MYO18B: variants seen among roughly 807,000 people sequenced by gnomAD.
MYO18B encodes the protein myosin XVIIIB.
A neutral mutation model predicts 273.0 loss-of-function variants in MYO18B; 204 were observed. The observed-to-expected ratio is 0.75, with a 90% CI of 0.67 to 0.84. The LOEUF (loss-of-function observed/expected upper bound fraction) is 0.84, where lower values mean the gene tolerates loss of function less well. Ranked by LOEUF, MYO18B falls within the 40% of genes least tolerant of loss-of-function variation. MYO18B has a pLI of 0.00. For synonymous variants in MYO18B, 1,330 were observed against 1,305.7 expected, an observed-to-expected ratio of 1.02 and a Z score of -0.40; for missense variants, 3,212 against 3,287.6, an observed-to-expected ratio of 0.98 and a Z score of 0.56.
At chr22:25,872,236 C>T (rs2091067744) in intron 22 of MYO18B, among the ~76,000 whole-genome samples, 1 of 152,020 alleles carries the variant, frequency 6.6e-6, no homozygotes, top group East Asian at 1.9e-4. Context: ...TGAGTGGTCT[C>T]CATTACGAAA....
At chr22:25,812,574 C>T (rs115558223) in intron 12 of MYO18B, among the ~76,000 whole-genome samples, 3,064 of 152,284 alleles carry the variant, frequency 0.02, 80 homozygotes, top group East Asian at 0.11. Flanking sequence ...TCAGGAGAAG[C>T]GGGAGAGCTG....
chr22:26,023,172 A>G (rs1370276895), intron 42 of MYO18B, among the ~76,000 whole-genome samples: 1 of 151,516 alleles, frequency 6.6e-6, no homozygotes, highest in Non-Finnish European at 1.5e-5. Flanking sequence ...ATCTCATTTC[A>G]ACTTCTTTCC....
At position 25,981,553 on chromosome 22, in the gene MYO18B, A is replaced by G. The variant is rs368442658; in HGVS notation, c.6157-10810A>G. On this transcript the variant is annotated intron_variant, in intron 39 of 43. Coordinates refer to ENST00000335473, the MANE Select transcript of MYO18B (RefSeq NM_032608.7). ...CCAGGAAGTCAAGACCAGCTTGGAC[A>G]ACACAGTAAGACCCCATCTCTACAA... Among the ~76,000 whole-genome samples the G allele has an allele frequency of 5.9e-5, 9 of 152,360 alleles. No individual in the cohort carries two copies. In the East Asian group the frequency reaches 7.7e-4, roughly 13 times the overall value.
intron 25 of MYO18B, among the ~76,000 whole-genome samples, chr22:25,880,986 C>T (rs762692097): frequency 2.0e-5 from 3 of 152,230 alleles, no homozygotes; most frequent in Non-Finnish European, 4.4e-5. Context: ...TTAAAGATTT[C>T]TACACCCGAG....
At chr22:25,991,106 A>G (rs993747502) in intron 39 of MYO18B, among the ~76,000 whole-genome samples, 1 of 152,176 alleles carries the variant, frequency 6.6e-6, no homozygotes, top group South Asian at 2.1e-4. Flanking sequence ...ATGTCTGCCT[A>G]AGAGCATCAA....
chr22:25,768,264 C>G lies in MYO18B; in HGVS notation c.348C>G (p.Asp116Glu). ...GKESEGSRSP[D>E]PEQMTSINGE... is the part of the protein sequence containing the mutation. Reference sequence around the variant, plus strand: ...AGAGCGAGGGGTCCCGCAGCCCCGACCCTGAGCAGATGACAAGCATCAATG... The same window carrying G: ...AGAGCGAGGGGTCCCGCAGCCCCGAGCCTGAGCAGATGACAAGCATCAATG... The change falls in exon 4 of 44, where the codon GAC becomes GAG. Residue 116 changes from aspartate to glutamate, a missense_variant. By Grantham distance (45) the Asp-to-Glu change is conservative (BLOSUM62 2). Transcript: ENST00000335473. 7 of 1,613,990 alleles carry G rather than the reference C, an allele frequency of 4.3e-6. No homozygotes were observed. In the South Asian group the frequency reaches 7.7e-5, roughly 18 times the overall value.
chr22:26,035,583 G>A (rs1005898985), downstream of MYO18B, among the ~76,000 whole-genome samples: 3 of 152,146 alleles, frequency 2.0e-5, no homozygotes, highest in Non-Finnish European at 4.4e-5. Flanking sequence ...ATTCCTGATC[G>A]GAGAACCAGA....
intron 12 of MYO18B, among the ~76,000 whole-genome samples, chr22:25,801,308 C>G (rs567864570): frequency 2.9e-4 from 44 of 152,270 alleles, no homozygotes; most frequent in Middle Eastern, 3.4e-3. Context: ...TGACAATCAC[C>G]ACTAATATTG....
At chr22:25,907,519 T>G (rs902254448) in intron 31 of MYO18B, among the ~76,000 whole-genome samples, 11 of 152,206 alleles carry the variant, frequency 7.2e-5, no homozygotes, top group African/African-American at 2.7e-4. Context: ...ATCATTTAAT[T>G]CTCATAGTAG....
chr22:25,983,825 G>T (rs1423471144), intron 39 of MYO18B, among the ~76,000 whole-genome samples: 1 of 152,216 alleles, frequency 6.6e-6, no homozygotes, highest in African/African-American at 2.4e-5. Context: ...TCTGGGCAGC[G>T]CTATTGAGGT....
chr22:25,882,258 G>A (rs2091359497), intron 25 of MYO18B, among the ~76,000 whole-genome samples: 1 of 151,326 alleles, frequency 6.6e-6, no homozygotes, highest in Admixed American at 6.6e-5. Context: ...TGGTCAAATA[G>A]AACCATTAAA....
chr22:25,979,127 C>G (rs2093123844), intron 39 of MYO18B, among the ~76,000 whole-genome samples: 2 of 152,178 alleles, frequency 1.3e-5, no homozygotes, highest in Non-Finnish European at 2.9e-5. Flanking sequence ...GAGACAAAAT[C>G]CAGTGGCCAC....
At chr22:25,760,334 C>G (rs2086262868) in intron 1 of MYO18B, among the ~76,000 whole-genome samples, 1 of 135,998 alleles carries the variant, frequency 7.4e-6, no homozygotes, top group African/African-American at 2.8e-5. Flanking sequence ...ATTGCTGGAA[C>G]TGGGGAGGTG....
At chr22:25,996,972 G>A (rs191929539) in intron 40 of MYO18B, among the ~76,000 whole-genome samples, 21 of 152,174 alleles carry the variant, frequency 1.4e-4, no homozygotes, top group African/African-American at 4.3e-4. Flanking sequence ...TTCTTAAAAT[G>A]CCCCAGTGCC....
intron 1 of MYO18B, among the ~76,000 whole-genome samples, chr22:25,757,144 G>A (rs936678149): frequency 1.3e-5 from 2 of 152,116 alleles, no homozygotes; most frequent in African/African-American, 2.4e-5. Context: ...CTTTACATAC[G>A]CCTCTTATAT....
At chr22:25,942,123 A>G (rs558314115) in intron 34 of MYO18B, among the ~76,000 whole-genome samples, 2 of 152,268 alleles carry the variant, frequency 1.3e-5, no homozygotes, top group Admixed American at 6.5e-5. Context: ...AACCATCCCT[A>G]TTTTATAGAG....
chr22:25,766,429 A>G (rs1350243028), intron 3 of MYO18B, among the ~76,000 whole-genome samples: 2 of 152,214 alleles, frequency 1.3e-5, no homozygotes, highest in Non-Finnish European at 2.9e-5. Flanking sequence ...GTCACCTAAA[A>G]CAGGAGAGAG....
chr22:25,823,706 GCTGGGCCCCCCT>G (rs1196753038), intron 13 of MYO18B, 28 bp downstream of exon 13: 3 of 1,612,664 alleles, frequency 1.9e-6, no homozygotes, highest in African/African-American at 1.3e-5. Context: ...CTTTGGGTGA[GCTGGGCCCCCCT>G]CTGGGCCAGC....
intron 1 of MYO18B, among the ~76,000 whole-genome samples, chr22:25,750,588 C>T (rs145854839): frequency 3.9e-4 from 60 of 152,242 alleles, no homozygotes; most frequent in Non-Finnish European, 5.4e-4. Context: ...CTGCCTGCCT[C>T]CAGGAACCTT....
Sources: gnomAD v4.1 joint callset for allele counts (sites outside exome capture counted in the v4.1 genomes callset) on GRCh38, gnomAD v4.1.1 for gene constraint, MANE v1.5 for transcripts, NCBI Gene and HGNC (gene_info 2026-07-23, HGNC 2026-07-21) for gene names.